Variants in DNM3 observed in about 807,000 individuals in gnomAD.
The protein encoded by DNM3 is dynamin-3.
A neutral mutation model predicts 101.6 loss-of-function variants in DNM3; 47 were observed. The ratio of observed to expected loss-of-function variants is 0.46; its 90% CI spans 0.37 to 0.59. The LOEUF (loss-of-function observed/expected upper bound fraction) is 0.59, where lower values mean the gene tolerates loss of function less well. Ranked by LOEUF, DNM3 falls within the 20% of genes least tolerant of loss-of-function variation. The pLI, the probability that DNM3 is intolerant of heterozygous loss-of-function variation, is 0.00. For synonymous variants in DNM3, 385 were observed against 387.9 expected (o/e 0.99, Z 0.09); for missense variants, 849 against 1,085.7 (o/e 0.78, Z 3.06).
At chr1:172,180,816 T>C (rs1050027727) in intron 14 of DNM3, among the ~76,000 whole-genome samples, 3 of 152,108 alleles carry the variant, frequency 2.0e-5, no homozygotes, top group African/African-American at 7.2e-5. Context: ...TGTATGAAAA[T>C]TTGCCCTACC....
intron 1 of DNM3, among the ~76,000 whole-genome samples, chr1:171,854,721 C>T (rs942072598): frequency 6.6e-6 from 1 of 151,914 alleles, no homozygotes; most frequent in African/African-American, 2.4e-5. Context: ...GGATTACAGG[C>T]CCCCACCAGC....
At chr1:172,112,308 C>T (rs1336247759) in intron 13 of DNM3, among the ~76,000 whole-genome samples, 1 of 152,150 alleles carries the variant, frequency 6.6e-6, no homozygotes. Flanking sequence ...GGTTGGATAA[C>T]TTGTCTGGGG....
At chr1:172,389,682 A>G (rs2069411268) in intron 20 of DNM3, among the ~76,000 whole-genome samples, 1 of 152,228 alleles carries the variant, frequency 6.6e-6, no homozygotes, top group Non-Finnish European at 1.5e-5. Context: ...TCAGAGAATT[A>G]AAATATTTAT....
chr1:172,409,113 A>G lies in DNM3; in HGVS notation c.*1272A>G. ...GTTAAGTCTTGAGGCTAAGTTTTGG[A>G]CTACCAAGGACCAGATGATTCACAT... On this transcript the variant is annotated 3_prime_UTR_variant, in exon 21 of 21. Transcript: ENST00000627582. 1.0e-6 allele frequency: 1 copy of G among 985,386 alleles called. No homozygotes were observed. Among genetic ancestry groups the G allele is most frequent in the Non-Finnish European group, 1.2e-6 (1 of 829,890 alleles). 61.0% of individuals were successfully genotyped at this position (985,386 alleles called of 1,614,324 possible).
At chr1:171,976,685 A>G (rs2044398342) in intron 2 of DNM3, among the ~76,000 whole-genome samples, 1 of 152,224 alleles carries the variant, frequency 6.6e-6, no homozygotes, top group East Asian at 1.9e-4. Context: ...AAATATTTAG[A>G]TGAAATAATG....
Position 172,318,179 on chromosome 1 carries a change from T to C in DNM3, c.1882-5150T>C, listed in dbSNP as rs188650254. Among the ~76,000 whole-genome samples, 1,014 of 152,188 alleles carry C rather than the reference T, an allele frequency of 6.7e-3. 10 individuals are homozygous for C. The highest frequency in any genetic ancestry group is 7.3e-3 in the Non-Finnish European group (495 of 68,028). On this transcript the variant is annotated intron_variant, in intron 16 of 20. Transcript: ENST00000627582. Reference sequence around the variant, plus strand: ...GATGCAGAAAAGGCCCTTGAAAAAATTCAACAGCCCTTCAGGCTATAAACT... The same window carrying C: ...GATGCAGAAAAGGCCCTTGAAAAAACTCAACAGCCCTTCAGGCTATAAACT...
chr1:172,299,972 A>T (rs1196223211), intron 15 of DNM3, among the ~76,000 whole-genome samples: 1 of 152,224 alleles, frequency 6.6e-6, no homozygotes, highest in Non-Finnish European at 1.5e-5. Flanking sequence ...ACTGCTTTCC[A>T]CAGTGGCTAA....
At chr1:171,888,726 G>T (rs1220833323) in intron 1 of DNM3, among the ~76,000 whole-genome samples, 1 of 152,082 alleles carries the variant, frequency 6.6e-6, no homozygotes, top group African/African-American at 2.4e-5. Flanking sequence ...ACAAAGCAGT[G>T]GGGAGAATTG....
chr1:172,092,725 ATT>A (rs142381854), intron 12 of DNM3, 97 bp from the exon 13 acceptor site: 7 of 1,208,564 alleles, frequency 5.8e-6, no homozygotes, highest in Admixed American at 5.9e-5. Context: ...GTCTCCATTG[ATT>A]TTTTTTTTAA....
chr1:171,962,855 A>G (rs2043308424), intron 2 of DNM3, among the ~76,000 whole-genome samples: 1 of 152,220 alleles, frequency 6.6e-6, no homozygotes, highest in South Asian at 2.1e-4. Context: ...AACACCTATC[A>G]GAATGGTGAA....
intron 2 of DNM3, among the ~76,000 whole-genome samples, chr1:171,959,519 G>C (rs1282311266): frequency 1.3e-5 from 2 of 152,054 alleles, no homozygotes; most frequent in Non-Finnish European, 2.9e-5. Context: ...GGAAAATCTA[G>C]GCTACATATG....
At chr1:172,033,736 T>A (rs1439216199) in intron 6 of DNM3, among the ~76,000 whole-genome samples, 1 of 152,164 alleles carries the variant, frequency 6.6e-6, no homozygotes, top group Non-Finnish European at 1.5e-5. Flanking sequence ...CCTAATTAAA[T>A]AATCATTGAT....
intron 2 of DNM3, among the ~76,000 whole-genome samples, chr1:171,975,248 G>A (rs1262585318): frequency 2.0e-5 from 3 of 152,100 alleles, no homozygotes; most frequent in African/African-American, 4.8e-5. Flanking sequence ...CTAAGCAAAA[G>A]CGTCTTATCA....
intron 5 of DNM3, 88 bp downstream of exon 5, chr1:172,032,588 T>A: frequency 1.2e-6 from 1 of 834,072 alleles, no homozygotes; most frequent in Non-Finnish European, 1.8e-6. Context: ...GGGAAGCCAC[T>A]AGGAGGTTTG....
intron 1 of DNM3, among the ~76,000 whole-genome samples, chr1:171,854,558 T>G (rs1453552559): frequency 6.6e-6 from 1 of 152,112 alleles, no homozygotes; most frequent in Non-Finnish European, 1.5e-5. Flanking sequence ...TGGCGGGATC[T>G]CAGCTCAATC....
At chr1:172,087,551 T>C (rs2053615827) in intron 12 of DNM3, among the ~76,000 whole-genome samples, 1 of 152,212 alleles carries the variant, frequency 6.6e-6, no homozygotes, top group Non-Finnish European at 1.5e-5. Context: ...AACTTCTATG[T>C]TGTTCCCACT....
At chr1:172,251,142 G>A (rs925679192) in intron 14 of DNM3, among the ~76,000 whole-genome samples, 5 of 152,026 alleles carry the variant, frequency 3.3e-5, no homozygotes, top group African/African-American at 1.2e-4. Context: ...ACCATATTGG[G>A]CAGCACATTA....
At chr1:172,211,639 G>A (rs1020386634) in intron 14 of DNM3, among the ~76,000 whole-genome samples, 1 of 152,066 alleles carries the variant, frequency 6.6e-6, no homozygotes, top group Non-Finnish European at 1.5e-5. Context: ...AAAGTTACCG[G>A]TCTGAATCTG....
At chr1:172,081,928 T>A (rs754852055) in intron 12 of DNM3, 26 bp downstream of exon 12, 1 of 1,605,246 alleles carries the variant, frequency 6.2e-7, no homozygotes, top group Non-Finnish European at 8.5e-7. Context: ...GATGGCCACA[T>A]GCATTCCTCC....
Sources: allele counts gnomAD v4.1 joint callset (sites outside exome capture counted in the v4.1 genomes callset), GRCh38; gene constraint gnomAD v4.1.1; transcripts MANE v1.5; gene names NCBI Gene and HGNC (gene_info 2026-07-23, HGNC 2026-07-21).